The following BBS9 variants were observed in gnomAD, a reference collection of about 807,000 sequenced individuals.
The protein encoded by BBS9 is protein PTHB1.
A neutral mutation model predicts 117.7 loss-of-function variants in BBS9; 89 were observed. That is an observed-to-expected ratio of 0.76 (90% CI 0.64 to 0.90). The LOEUF is 0.90. Ranked by LOEUF, BBS9 falls within the 40% of genes least tolerant of loss-of-function variation. The pLI is 0.00. For missense variants in BBS9, 982 were observed against 1,042.2 expected (o/e 0.94, Z 0.80); for synonymous variants, 379 against 370.9 (o/e 1.02, Z -0.25).
chr7:33,611,876 C>A (rs1417545062), intron 21 of BBS9, among the ~76,000 whole-genome samples: 4 of 136,958 alleles, frequency 2.9e-5, no homozygotes, highest in Non-Finnish European at 6.2e-5. Flanking sequence ...TAAATATAAT[C>A]CTTTAATATT....
At chr7:33,492,530 A>G (rs1396798859) in intron 19 of BBS9, among the ~76,000 whole-genome samples, 1 of 152,178 alleles carries the variant, frequency 6.6e-6, no homozygotes, top group Non-Finnish European at 1.5e-5. Flanking sequence ...GTTCATGATT[A>G]CTGAAGTGGT....
rs760724299 is a variant in BBS9, at chr7:33,605,166, T to G, written c.2633-29T>G. The stretch of plus-strand genomic sequence containing the variant: ...TGTCACTATTCAGATCTTTTCTCTC[T>G]CTTTCTCTCTTACTCTCTTTTTTTC... On this transcript the variant is annotated intron_variant, in intron 22 of 22. Coordinates refer to ENST00000242067, the MANE Select transcript of BBS9 (RefSeq NM_198428.3). 5 of 1,597,634 alleles carry G rather than the reference T, an allele frequency of 3.1e-6. No homozygotes were observed. In the Admixed American group the frequency reaches 8.3e-5, roughly 27 times the overall value.
intron 21 of BBS9, among the ~76,000 whole-genome samples, chr7:33,551,783 G>T (rs1055718837): frequency 1.3e-5 from 2 of 152,168 alleles, no homozygotes; most frequent in African/African-American, 4.8e-5. Flanking sequence ...AAGAATGCCA[G>T]CTGTTGACCA....
At position 33,286,575 on chromosome 7, in the gene BBS9, T is replaced by C. The variant is rs535917241; in HGVS notation, c.1016+12619T>C. 3.3e-5 allele frequency among the ~76,000 whole-genome samples: 5 copies of C among 152,292 alleles called. No individual in the cohort carries two copies. In the East Asian group the frequency reaches 9.6e-4, roughly 29 times the overall value. ...TTCAAAGATAGAATGAGTTTATTTT[T>C]ATGGGTTCCTGAGAATTCTGGGAAA... is the stretch of plus-strand genomic sequence containing the variant. On this transcript the variant is annotated intron_variant, in intron 9 of 22. Transcript: ENST00000242067.
intron 21 of BBS9, among the ~76,000 whole-genome samples, chr7:33,623,603 C>CA (rs61552828): frequency 1 from 152,190 of 152,194 alleles, 76,093 homozygotes; most frequent in Middle Eastern, 1. Context: ...AAAGAAAAAC[C>CA]AAACCCCCAA....
At chr7:33,151,106 G>C (rs896321040) in intron 2 of BBS9, among the ~76,000 whole-genome samples, 4 of 152,116 alleles carry the variant, frequency 2.6e-5, no homozygotes, top group African/African-American at 9.7e-5. Context: ...ACAAAAATTA[G>C]CTGGGCATGA....
At chr7:33,348,976 A>T in intron 12 of BBS9, 92 bp from the exon 13 acceptor site, 1 of 879,210 alleles carries the variant, frequency 1.1e-6, no homozygotes, top group Non-Finnish European at 1.9e-6. Flanking sequence ...AATATTTTCT[A>T]ATTATTTGCT....
intron 5 of BBS9, among the ~76,000 whole-genome samples, chr7:33,222,427 T>C (rs1790416494): frequency 6.6e-6 from 1 of 152,128 alleles, no homozygotes; most frequent in Non-Finnish European, 1.5e-5. Context: ...TCTAATAACA[T>C]AGGAAATGAA....
At chr7:33,448,254 C>G (rs1837283376) in intron 19 of BBS9, among the ~76,000 whole-genome samples, 1 of 152,136 alleles carries the variant, frequency 6.6e-6, no homozygotes, top group African/African-American at 2.4e-5. Context: ...TGCCCCAGTT[C>G]AGGCCTCTCT....
At chr7:33,132,907 G>A (rs1260107744) in intron 1 of BBS9, among the ~76,000 whole-genome samples, 1 of 152,082 alleles carries the variant, frequency 6.6e-6, no homozygotes, top group Admixed American at 6.5e-5. Flanking sequence ...AATTTAATTT[G>A]CTATTGTTCT....
At chr7:33,364,435 A>C (rs903557357) in intron 16 of BBS9, among the ~76,000 whole-genome samples, 1 of 152,054 alleles carries the variant, frequency 6.6e-6, no homozygotes, top group Non-Finnish European at 1.5e-5. Flanking sequence ...ACTTCTCTCC[A>C]GATTTGGAAG....
Position 33,272,544 on chromosome 7 carries a change from A to G in BBS9, c.703-468A>G, listed in dbSNP as rs540031960. Reference sequence around the variant, plus strand: ...TGAACATTAACTGTATCCCAGCAATATGGAGATATCCTGGAGTAGCTCTTA... The same window carrying G: ...TGAACATTAACTGTATCCCAGCAATGTGGAGATATCCTGGAGTAGCTCTTA... On this transcript the variant is annotated intron_variant, in intron 7 of 22. Transcript: ENST00000242067. Among the ~76,000 whole-genome samples the G allele has an allele frequency of 8.4e-4, 128 of 152,256 alleles. 1 individual carries two copies. Among genetic ancestry groups the G allele is most frequent in the African/African-American group, 2.9e-3 (122 of 41,568 alleles).
chr7:33,403,970 A>G (rs1829436611), intron 19 of BBS9, among the ~76,000 whole-genome samples: 2 of 152,140 alleles, frequency 1.3e-5, no homozygotes, highest in South Asian at 4.1e-4. Context: ...CATCCTCTCC[A>G]GCACCTGTTG....
chr7:33,564,643 A>T (rs944924813), intron 21 of BBS9, among the ~76,000 whole-genome samples: 2 of 152,318 alleles, frequency 1.3e-5, no homozygotes, highest in Admixed American at 1.3e-4. Flanking sequence ...ACTGCGATAG[A>T]AGATTACATA....
chr7:33,611,228 A>G (rs1423387095), intron 21 of BBS9, among the ~76,000 whole-genome samples: 1 of 151,870 alleles, frequency 6.6e-6, no homozygotes, highest in African/African-American at 2.4e-5. Context: ...GTGAACTCTC[A>G]TTTCTATGTG....
chr7:33,405,998 C>A (rs1184022354), intron 19 of BBS9, among the ~76,000 whole-genome samples: 4 of 152,024 alleles, frequency 2.6e-5, no homozygotes, highest in African/African-American at 9.7e-5. Context: ...ATAAATTTCC[C>A]TCTACACACT....
At chr7:33,250,778 A>G (rs1279908355) in intron 5 of BBS9, among the ~76,000 whole-genome samples, 2 of 152,218 alleles carry the variant, frequency 1.3e-5, no homozygotes, top group Non-Finnish European at 2.9e-5. Flanking sequence ...TATTTTGCCT[A>G]GCTTACTTCA....
chr7:33,634,868 T>G (rs564943702), intron 21 of BBS9, among the ~76,000 whole-genome samples: 1 of 152,234 alleles, frequency 6.6e-6, no homozygotes, highest in South Asian at 2.1e-4. Flanking sequence ...AGAAGAGATT[T>G]TCCAGCCACA....
At chr7:33,566,915 A>G (rs1857007481) in intron 21 of BBS9, among the ~76,000 whole-genome samples, 1 of 152,198 alleles carries the variant, frequency 6.6e-6, no homozygotes, top group Non-Finnish European at 1.5e-5. Context: ...AGAATTTAAG[A>G]ACGTAAGAAG....
Sources: allele counts gnomAD v4.1 joint callset (sites outside exome capture counted in the v4.1 genomes callset), GRCh38; gene constraint gnomAD v4.1.1; transcripts MANE v1.5; gene names NCBI Gene and HGNC (gene_info 2026-07-23, HGNC 2026-07-21).